DNAH7: variants seen among roughly 807,000 people sequenced by gnomAD.
The protein encoded by DNAH7 is axonemal beta dynein heavy chain 7.
A neutral mutation model predicts 444.6 loss-of-function variants in DNAH7; 397 were observed. The ratio of observed to expected loss-of-function variants is 0.89; its 90% CI spans 0.82 to 0.97. The LOEUF is 0.97. Ranked by LOEUF, DNAH7 falls within the 50% of genes least tolerant of loss-of-function variation. DNAH7 has a pLI of 0.00. For missense variants in DNAH7, 4,902 were observed against 4,800.8 expected (o/e 1.02, Z -0.62); for synonymous variants, 1,636 against 1,624.4 (o/e 1.01, Z -0.17).
chr2:195,825,303 T>C (rs1465896177), intron 48 of DNAH7, among the ~76,000 whole-genome samples: 1 of 151,962 alleles, frequency 6.6e-6, no homozygotes, highest in Non-Finnish European at 1.5e-5. Context: ...ACAAACTACA[T>C]ATAGTATAAC....
chr2:195,863,114 T>C (rs1700117724), intron 41 of DNAH7, among the ~76,000 whole-genome samples: 1 of 152,166 alleles, frequency 6.6e-6, no homozygotes, highest in South Asian at 2.1e-4. Flanking sequence ...TGCTTATTTG[T>C]CTGTAGACAA....
At position 196,024,470 on chromosome 2, in the gene DNAH7, T is replaced by C; in HGVS notation, c.702A>G (p.Gly234=). 6.3e-7 allele frequency: 1 copy of C among 1,584,010 alleles called. No homozygotes were observed. The highest frequency in any genetic ancestry group is 8.6e-7 in the Non-Finnish European group (1 of 1,167,814). Residue 234 remains glycine (G), a synonymous_variant, in exon 8 of 65, where the codon GGA becomes GGG. Transcript: ENST00000312428. The part of the protein sequence containing the change: ...DFVLKDPREK[G]DDKKTDELPA... Reference sequence around the variant, plus strand: ...GAAGTTCATCTGTCTTCTTATCATCTCCTTTCTCTCGAGGATCTTTTAAAA... The same window carrying C: ...GAAGTTCATCTGTCTTCTTATCATCCCCTTTCTCTCGAGGATCTTTTAAAA...
intron 36 of DNAH7, among the ~76,000 whole-genome samples, chr2:195,881,095 A>G (rs556392954): frequency 3.9e-5 from 6 of 152,202 alleles, no homozygotes; most frequent in African/African-American, 1.4e-4. Context: ...ACATGCAAGC[A>G]TTTACTTTAT....
intron 17 of DNAH7, among the ~76,000 whole-genome samples, chr2:195,962,625 G>C (rs1050732267): frequency 9.2e-5 from 14 of 152,160 alleles, no homozygotes; most frequent in East Asian, 1.9e-4. Flanking sequence ...GCTGGGATTA[G>C]AGGTGTGAGC....
intron 24 of DNAH7, among the ~76,000 whole-genome samples, chr2:195,915,370 C>T (rs1362283871): frequency 6.6e-6 from 1 of 152,056 alleles, no homozygotes; most frequent in African/African-American, 2.4e-5. Flanking sequence ...ACTGTGTGCA[C>T]AGGTAGTGAG....
At chr2:196,005,489 C>T (rs1329031785) in intron 10 of DNAH7, among the ~76,000 whole-genome samples, 2 of 151,624 alleles carry the variant, frequency 1.3e-5, no homozygotes. Flanking sequence ...GAAAAAAGAG[C>T]AAAGACTCAA....
chr2:195,871,229 C>A (rs553909876), intron 40 of DNAH7, among the ~76,000 whole-genome samples: 2 of 152,242 alleles, frequency 1.3e-5, no homozygotes, highest in African/African-American at 4.8e-5. Flanking sequence ...TTTAAAAGAC[C>A]TTTTGAAATT....
At chr2:195,777,675 A>G (rs901953282) in intron 59 of DNAH7, 125 bp downstream of exon 59, 2 of 962,338 alleles carry the variant, frequency 2.1e-6, no homozygotes, top group Non-Finnish European at 3.1e-6. Flanking sequence ...ATATGACTGA[A>G]GAAAGCACAG....
intron 40 of DNAH7, among the ~76,000 whole-genome samples, chr2:195,868,195 A>G (rs1700469236): frequency 7.0e-6 from 1 of 143,038 alleles, no homozygotes; most frequent in South Asian, 2.2e-4. Flanking sequence ...TCCCGGGTTC[A>G]TGCCATTCTC....
intron 63 of DNAH7, 49 bp from the exon 64 acceptor site, chr2:195,740,918 G>C (rs1217009576): frequency 4.3e-6 from 5 of 1,156,160 alleles, no homozygotes; most frequent in Admixed American, 2.5e-5. Context: ...TATGCATTTT[G>C]ATTGAGTTCT....
intron 27 of DNAH7, 137 bp from the exon 28 acceptor site, chr2:195,900,631 G>A: frequency 1.3e-6 from 1 of 747,108 alleles, no homozygotes; most frequent in Non-Finnish European, 2.1e-6. Flanking sequence ...GTAAAATAGT[G>A]GTAACTAGAG....
At chr2:195,923,499 A>T in intron 23 of DNAH7, 96 bp downstream of exon 23, 1 of 1,182,110 alleles carries the variant, frequency 8.5e-7, no homozygotes. Flanking sequence ...AAGATCTCAG[A>T]TTACTGCTAC....
intron 19 of DNAH7, among the ~76,000 whole-genome samples, chr2:195,945,481 C>A (rs997830748): frequency 6.6e-6 from 1 of 152,166 alleles, no homozygotes; most frequent in African/African-American, 2.4e-5. Flanking sequence ...TCTTCCTTGA[C>A]AGCAGAAATA....
chr2:195,896,939 T>TA (rs1702354110), intron 29 of DNAH7, among the ~76,000 whole-genome samples: 1 of 152,160 alleles, frequency 6.6e-6, no homozygotes. Flanking sequence ...TCTTCAGTGC[T>TA]AGGAAAACTG....
chr2:195,858,445 T>C (rs1165331843), intron 43 of DNAH7, 29 bp downstream of exon 43: 2 of 1,524,772 alleles, frequency 1.3e-6, no homozygotes, highest in Non-Finnish European at 8.8e-7. Flanking sequence ...ATGACATGTG[T>C]CCTAGAAAGT....
chr2:195,828,527 GTGAGCCGAGATCT>G (rs1224551538), intron 48 of DNAH7, among the ~76,000 whole-genome samples: 3 of 151,684 alleles, frequency 2.0e-5, no homozygotes, highest in African/African-American at 7.3e-5. Context: ...AGAGCTTGCA[GTGAGCCGAGATCT>G]TGACACTGTA....
intron 22 of DNAH7, among the ~76,000 whole-genome samples, chr2:195,925,879 TAAC>T (rs1395501805): frequency 1.3e-5 from 2 of 152,074 alleles, no homozygotes; most frequent in Non-Finnish European, 2.9e-5. Context: ...AGTTTTTCAT[TAAC>T]AATTACAATC....
In DNAH7 at chr2:195,865,019, G is replaced by A; in HGVS notation, c.6636C>T (p.Val2212=). Residue 2212 remains valine (V), a splice_region_variant and synonymous_variant, in exon 41 of 65, where the codon GTC becomes GTT. Transcript: ENST00000312428. ...EVIKRLWVHE[V]LRVYYDRLLD... is the part of the protein sequence containing the mutation. The stretch of plus-strand genomic sequence containing the variant: ...GAAGGCGGTCATAATACACTCGAAG[G>A]ACCTGTATAATAATTAAAAAGCAGC... The A allele has an allele frequency of 1.3e-6, 2 of 1,575,670 alleles. No homozygotes were observed. Among genetic ancestry groups the A allele is most frequent in the South Asian group, 1.2e-5 (1 of 86,716 alleles).
intron 24 of DNAH7, among the ~76,000 whole-genome samples, chr2:195,916,373 T>G (rs972990092): frequency 3.9e-5 from 6 of 152,188 alleles, no homozygotes; most frequent in African/African-American, 1.2e-4. Flanking sequence ...TCACCCTGGC[T>G]GGAGTGTGGT....
Sources: gnomAD v4.1 joint callset for allele counts (sites outside exome capture counted in the v4.1 genomes callset) on GRCh38, gnomAD v4.1.1 for gene constraint, MANE v1.5 for transcripts, NCBI Gene and HGNC (gene_info 2026-07-23, HGNC 2026-07-21) for gene names.